The following LARGE1 variants were observed in gnomAD, a reference collection of about 807,000 sequenced individuals.
LARGE1 encodes the protein LARGE xylosyl- and glucuronyltransferase 1.
A neutral mutation model predicts 87.6 loss-of-function variants in LARGE1; 43 were observed. The observed-to-expected ratio is 0.49, with a 90% confidence interval of 0.38 to 0.63. The LOEUF (loss-of-function observed/expected upper bound fraction) is 0.63, where lower values mean the gene tolerates loss of function less well. Ranked by LOEUF, LARGE1 falls within the 30% of genes least tolerant of loss-of-function variation. LARGE1 has a pLI of 0.00. For synonymous variants in LARGE1, 434 were observed against 394.6 expected (o/e 1.10, Z -1.18); for missense variants, 802 against 1,000.2 (o/e 0.80, Z 2.67).
the LARGE1 span, among the ~76,000 whole-genome samples, chr22:33,089,415 C>G: frequency 1.9e-5 from 2 of 105,096 alleles, no homozygotes; most frequent in Admixed American, 1.0e-4. Flanking sequence ...TCTTCTTCTA[C>G]TTCTTCTTCC....
At chr22:33,229,704 G>A (rs930933041) in intron 11 of LARGE1, among the ~76,000 whole-genome samples, 4 of 152,018 alleles carry the variant, frequency 2.6e-5, no homozygotes, top group Non-Finnish European at 5.9e-5. Flanking sequence ...TCTAGTAGGA[G>A]GAAATAGAAA....
intron 12 of LARGE1, among the ~76,000 whole-genome samples, chr22:33,293,831 C>T (rs1415013870): frequency 1.3e-5 from 2 of 152,154 alleles, no homozygotes; most frequent in Non-Finnish European, 2.9e-5. Context: ...CTTTCATTAC[C>T]ACCCATGAGT....
At chr22:33,766,636 G>A (rs1181059780) in intron 1 of LARGE1, among the ~76,000 whole-genome samples, 1 of 151,778 alleles carries the variant, frequency 6.6e-6, no homozygotes, top group African/African-American at 2.4e-5. Flanking sequence ...TGTTAGCCAG[G>A]CTGGTCTCAA....
chr22:33,336,392 G>T (rs902024642), intron 10 of LARGE1, among the ~76,000 whole-genome samples: 1 of 151,982 alleles, frequency 6.6e-6, no homozygotes, highest in Non-Finnish European at 1.5e-5. Flanking sequence ...TAGAGATGGG[G>T]TTTCACCATG....
At chr22:33,899,277 A>T (rs541326611) in intron 1 of LARGE1, among the ~76,000 whole-genome samples, 1 of 152,268 alleles carries the variant, frequency 6.6e-6, no homozygotes, top group South Asian at 2.1e-4. Context: ...AGGACTCAAA[A>T]TCAAAACAGG....
intron 3 of LARGE1, among the ~76,000 whole-genome samples, chr22:33,630,525 A>G (rs1234597032): frequency 6.6e-6 from 1 of 152,214 alleles, no homozygotes; most frequent in Non-Finnish European, 1.5e-5. Context: ...AATCCTGTAG[A>G]CAACTGTAAC....
intron 2 of LARGE1, among the ~76,000 whole-genome samples, chr22:33,726,805 T>C (rs1044553069): frequency 6.6e-6 from 1 of 152,140 alleles, no homozygotes; most frequent in Non-Finnish European, 1.5e-5. Flanking sequence ...CAGGCAAGAC[T>C]GGGGGAATTG....
chr22:33,779,044 T>C (rs2085336495), intron 1 of LARGE1, among the ~76,000 whole-genome samples: 2 of 152,300 alleles, frequency 1.3e-5, no homozygotes, highest in South Asian at 4.1e-4. Context: ...TTTGGCATGC[T>C]TTTACTTTGG....
chr22:33,635,103 G>A (rs1362384334), intron 3 of LARGE1, among the ~76,000 whole-genome samples: 1 of 150,236 alleles, frequency 6.7e-6, no homozygotes, highest in Non-Finnish European at 1.5e-5. Flanking sequence ...GGGTGACAGA[G>A]CAAGACTCCA....
intron 6 of LARGE1, among the ~76,000 whole-genome samples, chr22:33,508,501 G>T (rs2070873182): frequency 6.6e-6 from 1 of 152,212 alleles, no homozygotes; most frequent in Non-Finnish European, 1.5e-5. Context: ...GACTCTCTAT[G>T]TGAAAATTCT....
the LARGE1 span, among the ~76,000 whole-genome samples, chr22:33,067,227 AT>A: frequency 5.3e-5 from 8 of 152,106 alleles, no homozygotes; most frequent in Non-Finnish European, 7.4e-5. Context: ...GAAAGAAGGC[AT>A]TTGAAAGAAC....
chr22:33,724,425 G>C (rs1385348806), intron 2 of LARGE1: 1 of 152,426 alleles, frequency 6.6e-6, no homozygotes, highest in Non-Finnish European at 1.5e-5. Flanking sequence ...ATGATGCTAT[G>C]GGGGTGGAGG....
At position 33,193,899 on chromosome 22, in the gene LARGE1, GTTTTATATA is replaced by G. The variant is rs1381236385; in HGVS notation, c.1731-27076_1731-27068del. Among the ~76,000 whole-genome samples the G allele has an allele frequency of 2.7e-5, 4 of 146,532 alleles. No homozygotes were observed. The Admixed American group carries it at 2.7e-4, about 10-fold the overall frequency. On this transcript the variant is annotated intron_variant, in intron 11 of 11. Transcript: ENST00000608642. ...ATATAATGTTTTATATATTATATAT[GTTTTATATA>G]TTATATATGTTATATATATTAAATA...
At chr22:33,287,210 G>A (rs1286597618) in intron 12 of LARGE1, among the ~76,000 whole-genome samples, 1 of 152,080 alleles carries the variant, frequency 6.6e-6, no homozygotes, top group Admixed American at 6.6e-5. Context: ...TCTTTGATTT[G>A]TTTGTATTTT....
At chr22:33,268,484 A>G (rs1453126083), downstream of LARGE1, among the ~76,000 whole-genome samples, 2 of 144,178 alleles carry the variant, frequency 1.4e-5, no homozygotes, top group African/African-American at 5.2e-5. Context: ...GCTGGAGTGC[A>G]TGGCGCGATC....
Position 33,481,130 on chromosome 22 carries a change from C to CA in LARGE1, c.788-48866dup, listed in dbSNP as rs966357664. 1.0e-3 allele frequency among the ~76,000 whole-genome samples: 144 copies of CA among 137,530 alleles called. 1 individual carries two copies. Among genetic ancestry groups the CA allele is most frequent in the Admixed American group, 3.0e-3 (41 of 13,772 alleles). 90.2% of individuals were successfully genotyped at this position (137,530 alleles called of 152,430 possible). ...AGATACATACTTTAAAATTGCCCTG[C>CA]AAAAAAAAAACGCTTTAGTGATTTA... On this transcript the variant is annotated intron_variant, in intron 6 of 14. Coordinates refer to ENST00000397394, the MANE Select transcript of LARGE1 (RefSeq NM_133642.5).
At chr22:33,226,362 C>A (rs1925733130) in intron 11 of LARGE1, among the ~76,000 whole-genome samples, 1 of 152,222 alleles carries the variant, frequency 6.6e-6, no homozygotes. Context: ...CAATACACAG[C>A]AAACACAAGG....
chr22:33,300,663 T>C (rs1395605659), intron 12 of LARGE1, among the ~76,000 whole-genome samples: 1 of 152,112 alleles, frequency 6.6e-6, no homozygotes, highest in African/African-American at 2.4e-5. Flanking sequence ...TGCCTCAGCC[T>C]CCCTAGTAGC....
intron 1 of LARGE1, among the ~76,000 whole-genome samples, chr22:33,812,612 C>T (rs552040429): frequency 2.6e-4 from 39 of 152,222 alleles, no homozygotes; most frequent in Non-Finnish European, 5.0e-4. Flanking sequence ...ATGGCGCAGG[C>T]CTCACCAGGC....
Sources: allele counts gnomAD v4.1 joint callset (sites outside exome capture counted in the v4.1 genomes callset), GRCh38; gene constraint gnomAD v4.1.1; transcripts MANE v1.5; gene names NCBI Gene and HGNC (gene_info 2026-07-23, HGNC 2026-07-21).